The following ARHGEF37 variants were observed in gnomAD, a reference collection of about 807,000 sequenced individuals.
ARHGEF37 encodes the protein Rho guanine nucleotide exchange factor 37.
Under a neutral mutation model 71.1 loss-of-function variants are expected in ARHGEF37, and 55 were observed. The observed-to-expected ratio is 0.77, with a 90% confidence interval of 0.62 to 0.97. The LOEUF (loss-of-function observed/expected upper bound fraction) is 0.97, where lower values mean the gene tolerates loss of function less well. Ranked by LOEUF, ARHGEF37 falls within the 50% of genes least tolerant of loss-of-function variation. The probability of loss-of-function intolerance (pLI) is 0.00; values close to 1 mark genes in which losing one functional copy is unlikely to be tolerated. For missense variants in ARHGEF37, 765 were observed against 836.8 expected, an observed-to-expected ratio of 0.91 and a Z score of 1.06; for synonymous variants, 327 against 350.6, an observed-to-expected ratio of 0.93 and a Z score of 0.75.
intron 4 of ARHGEF37, among the ~76,000 whole-genome samples, chr5:149,610,327 G>A (rs1362256683): frequency 6.6e-6 from 1 of 152,186 alleles, no homozygotes; most frequent in Non-Finnish European, 1.5e-5. Context: ...ATGGAAAAGG[G>A]AGAGTATCAC....
intron 1 of ARHGEF37, among the ~76,000 whole-genome samples, chr5:149,552,675 TA>T (rs1762696146): frequency 6.6e-6 from 1 of 152,000 alleles, no homozygotes. Context: ...CCGTATCTAC[TA>T]AAAATACAAA....
chr5:149,618,156 C>A lies in ARHGEF37; in HGVS notation c.659-20C>A. 1 of 1,613,688 alleles carries A rather than the reference C, an allele frequency of 6.2e-7. No individual in the cohort carries two copies. The highest frequency in any genetic ancestry group is 2.2e-5 in the East Asian group (1 of 44,880). On this transcript the variant is annotated intron_variant, in intron 5 of 12. Coordinates refer to ENST00000333677, the MANE Select transcript of ARHGEF37 (RefSeq NM_001001669.3). ...GAGTTGGCTTGATCACCGTGCTTCC[C>A]CTCTTCTCTGTCGTTGCAGCCTCCA...
chr5:149,614,007 G>C (rs1311519931), intron 4 of ARHGEF37, among the ~76,000 whole-genome samples: 8 of 151,718 alleles, frequency 5.3e-5, no homozygotes, highest in African/African-American at 1.9e-4. Context: ...CAAGAAATCT[G>C]CCCACCTTGG....
At chr5:149,630,285 G>C (rs951482849) in intron 12 of ARHGEF37, among the ~76,000 whole-genome samples, 14 of 152,174 alleles carry the variant, frequency 9.2e-5, no homozygotes, top group African/African-American at 3.4e-4. Flanking sequence ...GTGGGATGTT[G>C]GAAGGATGGG....
intron 1 of ARHGEF37, among the ~76,000 whole-genome samples, chr5:149,583,374 C>T (rs1358401048): frequency 1.3e-5 from 2 of 152,152 alleles, no homozygotes; most frequent in Non-Finnish European, 2.9e-5. Context: ...TGAGCTCAGG[C>T]AATTGCCTAC....
chr5:149,553,273 C>T lies in ARHGEF37; in HGVS notation c.-12+1150C>T, dbSNP rs1407212450. On this transcript the variant is annotated intron_variant, in intron 1 of 2. Transcript: ENST00000505810. ...ACTTAGCTGGGCATGGTAGCATGTG[C>T]CTTGTAGCTCCAGCTACTAGGGAGG... Among the ~76,000 whole-genome samples, 3 of 151,970 alleles carry T rather than the reference C, an allele frequency of 2.0e-5. No individual in the cohort carries two copies. The East Asian group carries it at 5.8e-4, about 29-fold the overall frequency.
chr5:149,590,623 T>C (rs1377229169), intron 1 of ARHGEF37, among the ~76,000 whole-genome samples: 2 of 139,750 alleles, frequency 1.4e-5, no homozygotes, highest in African/African-American at 5.4e-5. Flanking sequence ...AGAATTTCAC[T>C]CTTCTTGCCC....
Position 149,597,963 on chromosome 5 carries a change from G to T in ARHGEF37, c.186+8G>T, listed in dbSNP as rs1211743992. Reference sequence around the variant, plus strand: ...AGGAGCCGCCTCCAGCAGGTACTTGGGTGGGGTCACACACAACCTGTCTTT... The same window carrying T: ...AGGAGCCGCCTCCAGCAGGTACTTGTGTGGGGTCACACACAACCTGTCTTT... On this transcript the variant is annotated splice_region_variant and intron_variant, in intron 2 of 12. Transcript: ENST00000333677. 1.3e-6 allele frequency: 2 copies of T among 1,572,940 alleles called. No homozygotes were observed. The highest frequency in any genetic ancestry group is 3.8e-5 in the Admixed American group (2 of 52,542).
intron 1 of ARHGEF37, among the ~76,000 whole-genome samples, chr5:149,586,477 G>T (rs1037357082): frequency 5.9e-5 from 9 of 152,186 alleles, no homozygotes; most frequent in Admixed American, 5.2e-4. Context: ...TGGCCAGGCT[G>T]GTCTCGAACT....
Position 149,586,309 on chromosome 5 carries a change from G to A in ARHGEF37, c.-12+4685G>A, listed in dbSNP as rs183561913. The stretch of plus-strand genomic sequence containing the variant: ...AGATGGAGTCTTGCTCTGTTGCTCA[G>A]GTTGTGCAGTGGCACAATCTCAGCT... On this transcript the variant is annotated intron_variant, in intron 1 of 12. Coordinates refer to ENST00000333677, the MANE Select transcript of ARHGEF37 (RefSeq NM_001001669.3). 6.7e-3 allele frequency among the ~76,000 whole-genome samples: 1,024 copies of A among 152,274 alleles called. 8 individuals are homozygous for A. Among genetic ancestry groups the A allele is most frequent in the Non-Finnish European group, 0.012 (803 of 68,012 alleles).
chr5:149,624,235 C>T, intron 10 of ARHGEF37, 95 bp downstream of exon 10: 1 of 1,442,104 alleles, frequency 6.9e-7, no homozygotes, highest in Non-Finnish European at 9.3e-7. Context: ...CCTTTTTGGT[C>T]CCCCAATGTT....
At chr5:149,630,595 A>G (rs1431723187) in intron 12 of ARHGEF37, among the ~76,000 whole-genome samples, 1 of 152,138 alleles carries the variant, frequency 6.6e-6, no homozygotes, top group Non-Finnish European at 1.5e-5. Context: ...AGGGGCTACA[A>G]AGCACCCACC....
chr5:149,559,939 T>C (rs1762807623), intron 1 of ARHGEF37, among the ~76,000 whole-genome samples: 1 of 152,158 alleles, frequency 6.6e-6, no homozygotes, highest in South Asian at 2.1e-4. Flanking sequence ...ACAAGACACA[T>C]TTGTTGCCCA....
chr5:149,589,899 T>G (rs1763353697), intron 1 of ARHGEF37, among the ~76,000 whole-genome samples: 1 of 151,912 alleles, frequency 6.6e-6, no homozygotes, highest in South Asian at 2.1e-4. Flanking sequence ...CCTCCTGAGC[T>G]CAAGCAATCC....
intron 3 of ARHGEF37, among the ~76,000 whole-genome samples, chr5:149,606,243 C>T (rs1032223959): frequency 2.6e-5 from 4 of 152,196 alleles, no homozygotes; most frequent in Admixed American, 2.0e-4. Context: ...CTGCAGTTGG[C>T]TGATCTCTCT....
chr5:149,592,844 A>T, intron 1 of ARHGEF37, among the ~76,000 whole-genome samples: 1 of 152,186 alleles, frequency 6.6e-6, no homozygotes, highest in African/African-American at 2.4e-5. Flanking sequence ...ATCTTGGCTC[A>T]TCACAACCTC....
chr5:149,556,017 G>C (rs1448338341), intron 1 of ARHGEF37, among the ~76,000 whole-genome samples: 1 of 152,044 alleles, frequency 6.6e-6, no homozygotes, highest in Non-Finnish European at 1.5e-5. Context: ...GTTTACTCAA[G>C]CAACGGTCAC....
intron 1 of ARHGEF37, among the ~76,000 whole-genome samples, chr5:149,597,471 C>T (rs897023494): frequency 1.3e-5 from 2 of 152,104 alleles, no homozygotes; most frequent in African/African-American, 4.8e-5. Context: ...GTTGGCCAGG[C>T]TGGTCTCGAA....
intron 10 of ARHGEF37, among the ~76,000 whole-genome samples, chr5:149,625,665 C>T (rs1323795758): frequency 2.6e-5 from 4 of 152,200 alleles, no homozygotes; most frequent in Non-Finnish European, 4.4e-5. Flanking sequence ...AGGGGTGTGC[C>T]GTGGGCCCCG....
Sources: allele counts gnomAD v4.1 joint callset (sites outside exome capture counted in the v4.1 genomes callset), GRCh38; gene constraint gnomAD v4.1.1; transcripts MANE v1.5; gene names NCBI Gene and HGNC (gene_info 2026-07-23, HGNC 2026-07-21).